The following MICA variants were observed in gnomAD, a reference collection of about 807,000 sequenced individuals.
MICA encodes MHC class I polypeptide-related sequence A.
Under a neutral mutation model 34.3 loss-of-function variants are expected in MICA, and 18 were observed. That is an observed-to-expected ratio of 0.52 (90% CI 0.36 to 0.78). The LOEUF (loss-of-function observed/expected upper bound fraction) is 0.78. MICA is among the 30% of genes least tolerant of loss of function. The pLI is 0.00. For synonymous variants in MICA, 135 were observed against 156.9 expected, an observed-to-expected ratio of 0.86 and a Z score of 1.04; for missense variants, 333 against 409.4, an observed-to-expected ratio of 0.81 and a Z score of 1.61.
chr6:31,409,286 T>C (rs1770931248), intron 1 of MICA, among the ~76,000 whole-genome samples: 2 of 149,628 alleles, frequency 1.3e-5, no homozygotes, highest in Non-Finnish European at 3.0e-5. Context: ...CTTCATTTTC[T>C]CTGTCTCTTT....
Position 31,403,753 on chromosome 6 carries a change from T to A in MICA, c.70+51T>A. ...GGCGGAGCGGGAGCAGTGGGACGTT[T>A]CCGGGGGTCGGGTGGGTAGCGGCGA... On this transcript the variant is annotated intron_variant, in intron 1 of 5. Transcript: ENST00000449934. This position sits in a 1 kb window ranked among gnomAD's most constrained non-coding sequence, Gnocchi z 4.7. 2.7e-6 allele frequency: 4 copies of A among 1,493,824 alleles called. No homozygotes were observed. Among genetic ancestry groups the A allele is most frequent in the Non-Finnish European group, 3.6e-6 (4 of 1,116,788 alleles). 92.5% of individuals were successfully genotyped at this position (1,493,824 alleles called of 1,614,324 possible). A position where few individuals can be genotyped will look rare whatever the true frequency, so the allele number is the denominator to read the frequency against.
At chr6:31,413,880 C>T (rs1375050220) in intron 5 of MICA, among the ~76,000 whole-genome samples, 1 of 151,998 alleles carries the variant, frequency 6.6e-6, no homozygotes, top group African/African-American at 2.4e-5. Context: ...AAAATTCCTG[C>T]TTTCAATGTT....
chr6:31,412,252 G>T (rs1771221529), intron 4 of MICA, 27 bp downstream of exon 4: 8 of 1,606,388 alleles, frequency 5.0e-6, no homozygotes, highest in African/African-American at 4.0e-5. Flanking sequence ...CCTGGAGAGG[G>T]TCAGGCCAGG....
chr6:31,407,035 G>T (rs548593912), intron 1 of MICA, among the ~76,000 whole-genome samples: 2 of 151,762 alleles, frequency 1.3e-5, no homozygotes, highest in South Asian at 2.1e-4. Flanking sequence ...ATCTATTCTG[G>T]TTTTTTTGTG....
rs1771148040 is a variant in MICA at position 31,411,400 on chromosome 6, T to C, written c.613+41T>C. 2 of 1,515,094 alleles carry C rather than the reference T, an allele frequency of 1.3e-6. No individual in the cohort carries two copies. The highest frequency in any genetic ancestry group is 8.9e-7 in the Non-Finnish European group (1 of 1,128,262). 93.9% of individuals were successfully genotyped at this position (1,515,094 alleles called of 1,614,324 possible). A position where few individuals can be genotyped will look rare whatever the true frequency, so the allele number is the denominator to read the frequency against. On this transcript the variant is annotated intron_variant, in intron 3 of 5. Transcript: ENST00000449934. This position sits in a 1 kb window ranked among gnomAD's most constrained non-coding sequence, Gnocchi z 4.3. ...AGGGGCTCTCCTCTCCCTCCAATTCTGCTAGAGTTGCCTCACCTCCCAGAT... is the reference window on the plus strand; with the variant it reads ...AGGGGCTCTCCTCTCCCTCCAATTCCGCTAGAGTTGCCTCACCTCCCAGAT...
chr6:31,403,706 A>G lies in MICA; in HGVS notation c.70+4A>G, dbSNP rs1001126437. ...GCACCTCCGGGAGCTGCTGCTGGTG[A>G]GTGGCGTTCCTGGCGGTCCTCGGCG... On this transcript the variant is annotated splice_donor_region_variant and intron_variant, in intron 1 of 5. Transcript: ENST00000449934. This position sits in a 1 kb window ranked among gnomAD's most constrained non-coding sequence, Gnocchi z 4.7. The G allele has an allele frequency of 2.0e-6, 3 of 1,527,774 alleles. No individual in the cohort carries two copies. Among genetic ancestry groups the G allele is most frequent in the Non-Finnish European group, 2.6e-6 (3 of 1,139,102 alleles). The allele number at this position is 1,527,774 out of a possible 1,614,324, so 94.6% of individuals were successfully genotyped here.
At chr6:31,414,254 TG>T in intron 5 of MICA, among the ~76,000 whole-genome samples, 1 of 151,748 alleles carries the variant, frequency 6.6e-6, no homozygotes, top group Non-Finnish European at 1.5e-5. Context: ...AGTGGCCGGG[TG>T]GAATCCCTGC....
chr6:31,415,073 C>A lies in MICA; in HGVS notation c.*91C>A, dbSNP rs758705074. On this transcript the variant is annotated 3_prime_UTR_variant, in exon 6 of 6. Transcript: ENST00000449934. ...TTGGGACGAGTGACCACAGGGATGC[C>A]ACACAGCTCGGATTTCAGCCTCTGA... is the stretch of plus-strand genomic sequence containing the variant. 30 of 1,361,476 alleles carry A rather than the reference C, an allele frequency of 2.2e-5. No individual in the cohort carries two copies. The South Asian group carries it at 3.3e-4, about 15-fold the overall frequency. 84.3% of individuals were successfully genotyped at this position (1,361,476 alleles called of 1,614,324 possible). A position where few individuals can be genotyped will look rare whatever the true frequency, so the allele number is the denominator to read the frequency against.
chr6:31,412,083 C>G lies in MICA; in HGVS notation c.750C>G (p.Thr250=), dbSNP rs1257120424. 5.0e-6 allele frequency: 8 copies of G among 1,613,232 alleles called. No homozygotes were observed. Among genetic ancestry groups the G allele is most frequent in the Non-Finnish European group, 6.8e-6 (8 of 1,179,952 alleles). Residue 250 remains threonine (T), a synonymous_variant, in exon 4 of 6, where the codon ACC becomes ACG. Transcript: ENST00000449934. ...RQDGVSLSHD[T]QQWGDVLPDG... is the part of the protein sequence containing the mutation. ...ATGGGGTATCTTTGAGCCACGACAC[C>G]CAGCAGTGGGGGGATGTCCTGCCTG...
chr6:31,412,359 A>C lies in MICA; in HGVS notation c.927A>C (p.Thr309=). The change falls in exon 5 of 6, where the codon ACA becomes ACC. Residue 309 remains threonine (T), a synonymous_variant. Transcript: ENST00000449934. ...KVLVLQSHWQ[T]FHVSAVAAGC... The stretch of plus-strand genomic sequence containing the variant: ...TGGTGCTTCAGAGTCATTGGCAGAC[A>C]TTCCATGTTTCTGCTGTTGCTGCTG... 6.3e-7 allele frequency: 1 copy of C among 1,578,572 alleles called. No individual in the cohort carries two copies. Among genetic ancestry groups the C allele is most frequent in the South Asian group, 1.1e-5 (1 of 87,624 alleles).
At chr6:31,402,079 T>G (rs113150137), upstream of MICA, 1 of 152,084 alleles carries the variant, frequency 6.6e-6, no homozygotes, top group Non-Finnish European at 1.5e-5. Flanking sequence ...AATCACAAGG[T>G]TGTGCCACCG....
chr6:31,408,440 A>C (rs113708600), intron 1 of MICA, among the ~76,000 whole-genome samples: 9,103 of 151,866 alleles, frequency 0.06, 369 homozygotes, highest in Middle Eastern at 0.078. Context: ...GTTCTTTAAA[A>C]GTTTAATTGT....
Position 31,411,298 on chromosome 6 carries a change from T to C in MICA, c.552T>C (p.His184=). ...MKTKTHYHAM[H]ADCLQELRRY... is the part of the protein sequence containing the mutation. ...CCAAGACACACTATCACGCTATGCA[T>C]GCAGACTGCCTGCAGGAACTACGGC... is the stretch of plus-strand genomic sequence containing the variant. Residue 184 remains histidine, a synonymous_variant, in exon 3 of 6, where the codon CAT becomes CAC. Transcript: ENST00000449934. The surrounding 1 kb of genome is among the most constrained non-coding windows in gnomAD (Gnocchi z 4.3). 6.2e-7 allele frequency: 1 copy of C among 1,606,354 alleles called. No individual in the cohort carries two copies. The highest frequency in any genetic ancestry group is 8.5e-7 in the Non-Finnish European group (1 of 1,177,020).
Position 31,411,203 on chromosome 6 carries a change from C to T in MICA, c.457C>T (p.Pro153Ser), listed in dbSNP as rs1311502268. Residue 153 changes from proline to serine, a missense_variant, in exon 3 of 6, where the codon CCC becomes TCC. Physicochemically the swap from Pro to Ser is moderately conservative, Grantham distance 74. Coordinates refer to ENST00000449934, the MANE Select transcript of MICA (RefSeq NM_001177519.3). This position sits in a 1 kb window ranked among gnomAD's most constrained non-coding sequence, Gnocchi z 4.3. ...QNLETEEWTV[P>S]QSSRAQTLAM... Reference sequence around the variant, plus strand: ...CCTGGAGACTGAGGAATGGACAGTGCCCCAGTCCTCCAGAGCTCAGACCTT... The same window carrying T: ...CCTGGAGACTGAGGAATGGACAGTGTCCCAGTCCTCCAGAGCTCAGACCTT... The T allele has an allele frequency of 4.3e-6, 7 of 1,613,346 alleles. No homozygotes were observed. The highest frequency in any genetic ancestry group is 5.1e-6 in the Non-Finnish European group (6 of 1,179,958).
intron 5 of MICA, among the ~76,000 whole-genome samples, chr6:31,412,793 C>T (rs750765764): frequency 6.6e-6 from 1 of 151,812 alleles, no homozygotes; most frequent in African/African-American, 2.4e-5. Context: ...CTGGGAATCA[C>T]GTGCTGAATG....
At position 31,415,175 on chromosome 6, in the gene MICA, C is replaced by A. The variant is rs1771451387; in HGVS notation, c.*193C>A. ...CAGGCGGCTGGAATTGAATTCCCTG[C>A]CTGGATCTCACAAGCACTTTCCCTC... On this transcript the variant is annotated 3_prime_UTR_variant, in exon 6 of 6. Coordinates refer to ENST00000449934, the MANE Select transcript of MICA (RefSeq NM_001177519.3). The A allele has an allele frequency of 1.2e-6, 1 of 832,382 alleles. No individual in the cohort carries two copies. The highest frequency in any genetic ancestry group is 2.0e-6 in the Non-Finnish European group (1 of 488,668). 51.6% of individuals were successfully genotyped at this position (832,382 alleles called of 1,614,324 possible). A position where few individuals can be genotyped will look rare whatever the true frequency, so the allele number is the denominator to read the frequency against.
At chr6:31,404,776 C>G (rs1370375779) in intron 1 of MICA, among the ~76,000 whole-genome samples, 3 of 151,860 alleles carry the variant, frequency 2.0e-5, no homozygotes, top group Non-Finnish European at 2.9e-5. Context: ...CCCCTCCCCT[C>G]CAGTGCAGAT....
intron 2 of MICA, 129 bp downstream of exon 2, chr6:31,410,926 A>G (rs17200288): frequency 2.0e-6 from 3 of 1,468,284 alleles, no homozygotes; most frequent in Non-Finnish European, 1.8e-6. Flanking sequence ...GGTCAGTGGA[A>G]CTCAGCAGGG....
At position 31,411,976 on chromosome 6, in the gene MICA, G is replaced by A. The variant is rs376912874; in HGVS notation, c.643G>A (p.Glu215Lys). 41 of 1,612,918 alleles carry A rather than the reference G, an allele frequency of 2.5e-5. No homozygotes were observed. Among genetic ancestry groups the A allele is most frequent in the Admixed American group, 1.0e-4 (6 of 59,682 alleles). ...VPPMVNVTRSEASEGNITVTC... is the reference protein window; with the variant it reads ...VPPMVNVTRSKASEGNITVTC... ...CCCCATGGTGAATGTCACCCGCAGC[G>A]AGGCCTCAGAGGGCAACATCACCGT... Residue 215 changes from glutamate to lysine, a missense_variant, in exon 4 of 6, where the codon GAG becomes AAG. Coordinates refer to ENST00000449934, the MANE Select transcript of MICA (RefSeq NM_001177519.3). This position sits in a 1 kb window ranked among gnomAD's most constrained non-coding sequence, Gnocchi z 4.3.
Sources: allele counts gnomAD v4.1 joint callset (sites outside exome capture counted in the v4.1 genomes callset), GRCh38; gene constraint gnomAD v4.1.1; non-coding constraint Gnocchi (gnomAD v3.1); transcripts MANE v1.5; gene names NCBI Gene and HGNC (gene_info 2026-07-23, HGNC 2026-07-21).